EFHC1: variants seen among roughly 807,000 people sequenced by gnomAD.
EFHC1 encodes EF-hand domain-containing protein 1.
Under a neutral mutation model 69.9 loss-of-function variants are expected in EFHC1, and 53 were observed. The ratio of observed to expected loss-of-function variants is 0.76; its 90% CI spans 0.61 to 0.95. EFHC1 has a LOEUF of 0.95. EFHC1 is among the 40% of genes least tolerant of loss of function. The probability of loss-of-function intolerance (pLI) is 0.00; values close to 1 mark genes in which losing one functional copy is unlikely to be tolerated. For synonymous variants in EFHC1, 256 were observed against 278.4 expected (o/e 0.92, Z 0.80); for missense variants, 739 against 798.7 (o/e 0.93, Z 0.90).
intron 3 of EFHC1, among the ~76,000 whole-genome samples, chr6:52,439,531 T>G (rs1764612562): frequency 6.6e-6 from 1 of 152,218 alleles, no homozygotes; most frequent in Admixed American, 6.5e-5. Context: ...CCTTGCATGT[T>G]ATAGGTACTT....
rs1407249714 is a variant in EFHC1 at position 52,495,709 on chromosome 6, CTTCTGAGTAGCT to C, written c.*3369_*3380del. On this transcript the variant is annotated 3_prime_UTR_variant, in exon 11 of 11. Transcript: ENST00000371068. ...GCTCATGCAATCCTCCTGCCTCAGC[CTTCTGAGTAGCT>C]AGGCCTGTAGTCTCAGAGGGAACTG... The C allele has an allele frequency of 2.4e-6, 1 of 413,888 alleles. No homozygotes were observed. 25.6% of individuals were successfully genotyped at this position (413,888 alleles called of 1,614,324 possible).
intron 7 of EFHC1, among the ~76,000 whole-genome samples, chr6:52,478,557 A>G (rs1193738178): frequency 1.3e-5 from 2 of 152,172 alleles, no homozygotes; most frequent in African/African-American, 4.8e-5. Context: ...GATTTGCTTA[A>G]AAAACGAAAC....
At chr6:52,451,262 T>G (rs1330605498) in intron 3 of EFHC1, among the ~76,000 whole-genome samples, 1 of 152,238 alleles carries the variant, frequency 6.6e-6, no homozygotes, top group Non-Finnish European at 1.5e-5. Flanking sequence ...TGTTTTGTAT[T>G]GGCTGGTAAT....
intron 3 of EFHC1, among the ~76,000 whole-genome samples, chr6:52,448,104 G>C (rs1352166178): frequency 6.6e-6 from 1 of 152,234 alleles, no homozygotes; most frequent in Admixed American, 6.5e-5. Context: ...AAAGCTGTCA[G>C]ACAGGGACGT....
intron 2 of EFHC1, among the ~76,000 whole-genome samples, chr6:52,431,627 G>A (rs1764415941): frequency 6.6e-6 from 1 of 152,080 alleles, no homozygotes; most frequent in African/African-American, 2.4e-5. Flanking sequence ...CTATCATATG[G>A]TCTGTCTTGG....
At chr6:52,439,190 A>G (rs1343355458) in intron 3 of EFHC1, among the ~76,000 whole-genome samples, 1 of 152,182 alleles carries the variant, frequency 6.6e-6, no homozygotes, top group Admixed American at 6.5e-5. Flanking sequence ...TAGAGGATAT[A>G]GGTGGCCTTT....
Position 52,454,133 on chromosome 6 carries a change from C to T in EFHC1, c.762C>T (p.Ser254=), listed in dbSNP as rs375851193. Residue 254 remains serine, a synonymous_variant, in exon 5 of 11, where the codon AGC becomes AGT. Transcript: ENST00000371068. The stretch of plus-strand genomic sequence containing the variant: ...ATGCAATCTGGGATGATACAGACAG[C>T]ATGTATGGTGAATGTCGGACCTACA... The part of the protein sequence containing the change: ...RFYAIWDDTD[S]MYGECRTYII... The T allele has an allele frequency of 1.2e-6, 2 of 1,613,796 alleles. No homozygotes were observed. Among genetic ancestry groups the T allele is most frequent in the East Asian group, 2.2e-5 (1 of 44,880 alleles).
At chr6:52,489,216 GGA>G (rs1196393040) in intron 9 of EFHC1, 1 of 152,202 alleles carries the variant, frequency 6.6e-6, no homozygotes, top group Admixed American at 6.5e-5. Flanking sequence ...AGTTACGGAA[GGA>G]GAGGAATTCA....
chr6:52,440,384 G>A (rs1764634387), intron 3 of EFHC1, among the ~76,000 whole-genome samples: 1 of 151,964 alleles, frequency 6.6e-6, no homozygotes, highest in East Asian at 1.9e-4. Flanking sequence ...TTGTGCTTAG[G>A]AACACTAAAT....
At chr6:52,460,281 A>C (rs1388096893) in intron 5 of EFHC1, among the ~76,000 whole-genome samples, 1 of 152,230 alleles carries the variant, frequency 6.6e-6, no homozygotes, top group Non-Finnish European at 1.5e-5. Context: ...TCAGACAAAA[A>C]TACATGCCAT....
At chr6:52,443,298 C>T (rs1393175724) in intron 3 of EFHC1, among the ~76,000 whole-genome samples, 1 of 152,198 alleles carries the variant, frequency 6.6e-6, no homozygotes, top group Non-Finnish European at 1.5e-5. Context: ...TTAATTACAT[C>T]CCATTGGTCA....
At chr6:52,453,146 T>C (rs1316803643) in intron 4 of EFHC1, 1 of 1,367,642 alleles carries the variant, frequency 7.3e-7, no homozygotes, top group East Asian at 4.0e-5. Context: ...CAATTGACAA[T>C]TTCTTTCCCT....
At position 52,479,791 on chromosome 6, in the gene EFHC1, T is replaced by A. The variant is rs1296631674; in HGVS notation, c.1640+4T>A. On this transcript the variant is annotated splice_donor_region_variant and intron_variant, in intron 9 of 10. Transcript: ENST00000371068. ...CGCCTGCTCCAGAAGCAGAAAGGTGTGTGTTTGATTGCTAGGGTTTGGCAC... is the reference window on the plus strand; with the variant it reads ...CGCCTGCTCCAGAAGCAGAAAGGTGAGTGTTTGATTGCTAGGGTTTGGCAC... 6.2e-7 allele frequency: 1 copy of A among 1,613,910 alleles called. No individual in the cohort carries two copies. The highest frequency in any genetic ancestry group is 2.2e-5 in the East Asian group (1 of 44,884).
chr6:52,471,300 C>G (rs963473069), intron 7 of EFHC1, among the ~76,000 whole-genome samples: 3 of 152,166 alleles, frequency 2.0e-5, no homozygotes, highest in Admixed American at 6.5e-5. Context: ...TTATCATAGT[C>G]CCTGATTGTC....
chr6:52,457,620 G>A (rs1007517485), intron 5 of EFHC1, among the ~76,000 whole-genome samples: 11 of 152,214 alleles, frequency 7.2e-5, no homozygotes, highest in East Asian at 1.9e-4. Flanking sequence ...TTATTTCTTC[G>A]TCAAGGGCAA....
Position 52,465,043 on chromosome 6 carries a change from C to T in EFHC1, c.1065C>T (p.Tyr355=). 6.2e-7 allele frequency: 1 copy of T among 1,614,032 alleles called. No individual in the cohort carries two copies. Among genetic ancestry groups the T allele is most frequent in the South Asian group, 1.1e-5 (1 of 91,074 alleles). Residue 355 remains tyrosine, a synonymous_variant, in exon 6 of 11, where the codon TAC becomes TAT. Coordinates refer to ENST00000371068, the MANE Select transcript of EFHC1 (RefSeq NM_018100.4). ...GTGATCCATTTACTCGACGGTATTA[C>T]AAAGAGAAGTTTGGAATCACTGATT... ...YDCDPFTRRY[Y]KEKFGITDLP...
rs907955201 is a variant in EFHC1, at chr6:52,473,518, T to C, written c.1278+4045T>C. On this transcript the variant is annotated intron_variant, in intron 7 of 10. Coordinates refer to ENST00000371068, the MANE Select transcript of EFHC1 (RefSeq NM_018100.4). Reference sequence around the variant, plus strand: ...ATAAATGACCGGGCACGGTGGTTCATGCCTGTAATCCCAGCACTTTGGGAG... The same window carrying C: ...ATAAATGACCGGGCACGGTGGTTCACGCCTGTAATCCCAGCACTTTGGGAG... Among the ~76,000 whole-genome samples the C allele has an allele frequency of 1.6e-4, 25 of 152,344 alleles. 1 individual carries two copies. The highest frequency in any genetic ancestry group is 5.8e-4 in the African/African-American group (24 of 41,574).
chr6:52,452,943 C>A (rs190021570), intron 4 of EFHC1, 106 bp downstream of exon 4: 2 of 1,600,524 alleles, frequency 1.2e-6, no homozygotes, highest in Non-Finnish European at 1.7e-6. Context: ...TGAAACATTA[C>A]AGCTATAATT....
chr6:52,492,705 C>T lies in EFHC1; in HGVS notation c.*364C>T, dbSNP rs1264274727. 23 of 439,882 alleles carry T rather than the reference C, an allele frequency of 5.2e-5. No individual in the cohort carries two copies. Among genetic ancestry groups the T allele is most frequent in the Non-Finnish European group, 1.4e-5 (3 of 221,702 alleles). The allele number at this position is 439,882 out of a possible 1,614,324, so 27.2% of individuals were successfully genotyped here. A position where few individuals can be genotyped will look rare whatever the true frequency, so the allele number is the denominator to read the frequency against. ...TCCTAGTTCTATGAAGCCTCAGACT[C>T]CTGGGCTCAAGTGATCCTCCCACTT... On this transcript the variant is annotated 3_prime_UTR_variant, in exon 11 of 11. Transcript: ENST00000371068.
Sources: gnomAD v4.1 joint callset for allele counts (sites outside exome capture counted in the v4.1 genomes callset) on GRCh38, gnomAD v4.1.1 for gene constraint, MANE v1.5 for transcripts, NCBI Gene and HGNC (gene_info 2026-07-23, HGNC 2026-07-21) for gene names.